The following FYCO1 variants were observed in gnomAD, a reference collection of about 807,000 sequenced individuals.
FYCO1 encodes FYVE and coiled-coil domain autophagy adaptor 1, also known as FYVE and coiled-coil domain-containing protein 1.
Under a neutral mutation model 165.1 loss-of-function variants are expected in FYCO1, and 122 were observed. The observed-to-expected ratio is 0.74, with a 90% CI of 0.64 to 0.86. The LOEUF (loss-of-function observed/expected upper bound fraction) is 0.86. FYCO1 is among the 40% of genes least tolerant of loss of function. The pLI is 0.00. For missense variants in FYCO1, 1,702 were observed against 1,810.3 expected (o/e 0.94, Z 1.09); for synonymous variants, 648 against 742.5 (o/e 0.87, Z 2.07).
chr3:45,968,012 G>A lies in FYCO1; in HGVS notation c.1322C>T (p.Ala441Val), dbSNP rs781455175. The A allele has an allele frequency of 1.2e-5, 20 of 1,614,084 alleles. No homozygotes were observed. Among genetic ancestry groups the A allele is most frequent in the Non-Finnish European group, 1.4e-5 (17 of 1,180,012 alleles). Reference sequence around the variant, plus strand: ...CACCAGGCGCTCCAGGCTGGCCCGGGCATCCTCTTTCAGCTGAAGCTCCTT... The same window carrying A: ...CACCAGGCGCTCCAGGCTGGCCCGGACATCCTCTTTCAGCTGAAGCTCCTT... ...LVKELQLKED[A>V]RASLERLVKE... The change falls in exon 8 of 18, where the codon GCC (alanine) becomes GTC (valine). Residue 441 changes from alanine (A) to valine (V), a missense_variant. Physicochemically the swap from Ala to Val is moderately conservative, Grantham distance 64 (BLOSUM62 0). Transcript: ENST00000296137.
chr3:45,941,604 G>A (rs1183215205), intron 14 of FYCO1, among the ~76,000 whole-genome samples: 2 of 152,236 alleles, frequency 1.3e-5, no homozygotes, highest in Non-Finnish European at 2.9e-5. Flanking sequence ...TTAGGTGAAA[G>A]TCTTTTGTAC....
intron 17 of FYCO1, 147 bp from the exon 18 acceptor site, chr3:45,921,987 A>G (rs1703112266): frequency 1.4e-6 from 1 of 700,348 alleles, no homozygotes; most frequent in African/African-American, 1.8e-5. Context: ...CTGTCTGTCT[A>G]GTGGAGTTCT....
chr3:45,971,291 T>C lies in FYCO1; in HGVS notation c.540-1526A>G, dbSNP rs138727116. ...CCAACTAATAATGTAAAAGAAATAA[T>C]GGAGTTAGAAAATCACTCTGGTAAT... On this transcript the variant is annotated intron_variant, in intron 6 of 17. Transcript: ENST00000296137. Among the ~76,000 whole-genome samples, 541 of 152,292 alleles carry C rather than the reference T, an allele frequency of 3.6e-3. 8 individuals carry two copies. The highest frequency in any genetic ancestry group is 0.012 in the African/African-American group (502 of 41,560).
chr3:45,947,795 T>A, intron 14 of FYCO1: 1 of 407,346 alleles, frequency 2.5e-6, no homozygotes, highest in Non-Finnish European at 4.6e-6. Context: ...ACTCCTATGA[T>A]CTCAGGTTCT....
chr3:45,967,932 G>T lies in FYCO1; in HGVS notation c.1402C>A (p.Gln468Lys), dbSNP rs192816055. The T allele has an allele frequency of 1.9e-6, 3 of 1,614,112 alleles. No homozygotes were observed. The highest frequency in any genetic ancestry group is 2.5e-6 in the Non-Finnish European group (3 of 1,180,030). ...ELSGKGQEADQLWRRLQELLA... is the reference protein window; with the variant it reads ...ELSGKGQEADKLWRRLQELLA... ...AACTCCTGCAGCCGTCGCCAGAGCT[G>T]GTCTGCCTCCTGTCCCTTCCCAGAC... Residue 468 changes from glutamine to lysine, a missense_variant, in exon 8 of 18, where the codon CAG (glutamine) becomes AAG (lysine). Gln to Lys is a moderately conservative substitution (Grantham distance 53). Coordinates refer to ENST00000296137, the MANE Select transcript of FYCO1 (RefSeq NM_024513.4).
At chr3:45,990,593 G>A (rs570750982) in intron 1 of FYCO1, among the ~76,000 whole-genome samples, 17 of 152,266 alleles carry the variant, frequency 1.1e-4, no homozygotes, top group African/African-American at 4.1e-4. Flanking sequence ...CTTCGTTGCT[G>A]TTCATGATTT....
chr3:45,958,483 A>G lies in FYCO1; in HGVS notation c.3724T>C (p.Ser1242Pro). The G allele has an allele frequency of 6.2e-7, 1 of 1,613,948 alleles. No homozygotes were observed. The highest frequency in any genetic ancestry group is 1.1e-5 in the South Asian group (1 of 91,068). The change falls in exon 13 of 18, where the codon TCA (serine) becomes CCA (proline). Residue 1242 changes from serine to proline, a missense_variant. By Grantham distance (74) the Ser-to-Pro change is moderately conservative. Transcript: ENST00000296137. ...CTGGGCTCTCCCTGGCTAGTGCCTGAGCCACTGCTATCAGGGGAGCCAGGG... is the reference window on the plus strand; with the variant it reads ...CTGGGCTCTCCCTGGCTAGTGCCTGGGCCACTGCTATCAGGGGAGCCAGGG... ...EGPGSPDSSG[S>P]GTSQGEPSPA...
At chr3:45,956,319 G>C (rs1705317982) in intron 13 of FYCO1, among the ~76,000 whole-genome samples, 1 of 150,994 alleles carries the variant, frequency 6.6e-6, no homozygotes, top group Non-Finnish European at 1.5e-5. Context: ...CTGAGAAACA[G>C]AGCAAGACTT....
chr3:45,975,185 T>A, intron 5 of FYCO1, 54 bp downstream of exon 5: 6 of 1,153,112 alleles, frequency 5.2e-6, no homozygotes, highest in African/African-American at 1.5e-5. Flanking sequence ...TTAATGAACT[T>A]TAGTTCATTT....
chr3:45,966,286 G>C lies in FYCO1; in HGVS notation c.3048C>G (p.Ser1016Arg). The C allele has an allele frequency of 6.2e-7, 1 of 1,613,966 alleles. No homozygotes were observed. The highest frequency in any genetic ancestry group is 1.6e-4 in the Middle Eastern group (1 of 6,062). The change falls in exon 8 of 18, where the codon AGC becomes AGG. Residue 1016 changes from serine to arginine, a missense_variant. By Grantham distance (110) the Ser-to-Arg change is moderately radical. Coordinates refer to ENST00000296137, the MANE Select transcript of FYCO1 (RefSeq NM_024513.4). ...TTGAAGCTAGGATTACCTTAAGTCT[G>C]CTCTGGTAGTCCATGATTTCAGCAC... Reference protein sequence around the residue: ...QLSAEIMDYQSRLKNAGEECK... With the variant: ...QLSAEIMDYQRRLKNAGEECK...
chr3:45,933,856 A>G (rs1258702901), intron 15 of FYCO1, among the ~76,000 whole-genome samples: 1 of 152,236 alleles, frequency 6.6e-6, no homozygotes, highest in Non-Finnish European at 1.5e-5. Context: ...TAAAGCAGCC[A>G]TCAAAAAAAA....
chr3:45,971,224 A>G (rs1706426423), intron 6 of FYCO1, among the ~76,000 whole-genome samples: 1 of 152,230 alleles, frequency 6.6e-6, no homozygotes, highest in Admixed American at 6.5e-5. Flanking sequence ...CTATGAATGA[A>G]TAAATGGGGA....
chr3:45,938,030 T>C (rs955181872), intron 14 of FYCO1, among the ~76,000 whole-genome samples: 1 of 152,120 alleles, frequency 6.6e-6, no homozygotes, highest in Non-Finnish European at 1.5e-5. Context: ...GTAAATACCA[T>C]AAATGAGATA....
At chr3:45,988,221 A>C (rs1707395957) in intron 1 of FYCO1, among the ~76,000 whole-genome samples, 1 of 152,182 alleles carries the variant, frequency 6.6e-6, no homozygotes, top group Admixed American at 6.5e-5. Flanking sequence ...GCTTCCATAG[A>C]GAACATGGTC....
At chr3:45,966,163 A>G in intron 8 of FYCO1, 114 bp downstream of exon 8, 1 of 1,090,608 alleles carries the variant, frequency 9.2e-7, no homozygotes, top group Non-Finnish European at 1.4e-6. Context: ...GCCTGCACCC[A>G]CAGTACATTC....
chr3:45,967,596 T>C lies in FYCO1; in HGVS notation c.1738A>G (p.Ser580Gly), dbSNP rs201433568. ...GGCTTCCCCCAGGCCTCTTGCAGAC[T>C]GGAGTTCACAGGGACCAGGGCCTCA... The part of the protein sequence containing the change: ...KNEALVPVNS[S>G]LQEAWGKPEE... The change falls in exon 8 of 18, where the codon AGT (serine) becomes GGT (glycine). Residue 580 changes from serine to glycine, a missense_variant. By Grantham distance (56) the Ser-to-Gly change is moderately conservative (BLOSUM62 0). Transcript: ENST00000296137. The C allele has an allele frequency of 1.6e-5, 26 of 1,614,100 alleles. No homozygotes were observed. The East Asian group carries it at 5.8e-4, about 36-fold the overall frequency.
chr3:45,947,822 G>A (rs1470315626), intron 14 of FYCO1: 3 of 340,472 alleles, frequency 8.8e-6, no homozygotes, highest in African/African-American at 4.2e-5. Context: ...TTGGGACTGG[G>A]GCTGAAGGTT....
intron 15 of FYCO1, among the ~76,000 whole-genome samples, chr3:45,936,165 G>A (rs1425060649): frequency 1.3e-5 from 2 of 152,184 alleles, no homozygotes; most frequent in Non-Finnish European, 2.9e-5. Flanking sequence ...AAGAACATGA[G>A]GTGTGGGAGG....
At position 45,967,446 on chromosome 3, in the gene FYCO1, C is replaced by T. The variant is rs143344626; in HGVS notation, c.1888G>A (p.Gly630Arg). Residue 630 changes from glycine (G) to arginine (R), a missense_variant, in exon 8 of 18, where the codon GGG becomes AGG. Transcript: ENST00000296137. ...TTGCCCTCCAGGAGCTGGTTACGCC[C>T]GACCACATTCTGTAGCTCCTTCTCC... ...ELEKELQNVVGRNQLLEGKLQ... is the reference protein window; with the variant it reads ...ELEKELQNVVRRNQLLEGKLQ... The T allele has an allele frequency of 4.9e-5, 79 of 1,613,490 alleles. No homozygotes were observed. The highest frequency in any genetic ancestry group is 1.2e-4 in the African/African-American group (9 of 74,932).
Sources: gnomAD v4.1 joint callset for allele counts (sites outside exome capture counted in the v4.1 genomes callset) on GRCh38, gnomAD v4.1.1 for gene constraint, MANE v1.5 for transcripts, NCBI Gene and HGNC (gene_info 2026-07-23, HGNC 2026-07-21) for gene names.